The following TEK variants were observed in gnomAD, a reference collection of about 807,000 sequenced individuals.
The protein encoded by TEK is TEK receptor tyrosine kinase.
TEK carries 43 observed loss-of-function variants against 131.8 expected under a neutral mutation model. The ratio of observed to expected loss-of-function variants is 0.33; its 90% CI spans 0.26 to 0.42. The LOEUF is 0.42. Among genes scored for constraint, TEK ranks in the 10% least tolerant of loss-of-function variants. TEK has a pLI of 1.00. For synonymous variants in TEK, 580 were observed against 491.6 expected (o/e 1.18, Z -2.38); for missense variants, 1,162 against 1,384.4 (o/e 0.84, Z 2.55).
chr9:27,210,805 A>T lies in TEK; in HGVS notation c.2686+1574A>T, dbSNP rs369097616. On this transcript the variant is annotated intron_variant, in intron 16 of 22. Transcript: ENST00000380036. ...TAAAATTTTGCTTCGTCATCACATT[A>T]GCACATAGCTGGCTCTTAAAATTTT... is the stretch of plus-strand genomic sequence containing the variant. 6.8e-4 allele frequency among the ~76,000 whole-genome samples: 103 copies of T among 152,318 alleles called. 1 individual carries two copies. The South Asian group carries it at 0.011, about 16-fold the overall frequency.
rs539717926 is a variant in TEK, at chr9:27,166,166, G to A, written c.365-2329G>A. On this transcript the variant is annotated intron_variant, in intron 2 of 22. Transcript: ENST00000380036. ...TCTTTATAGGAATTCTTACTTTGGG[G>A]GACAGGATGTTTTGCTATTAATTTC... is the stretch of plus-strand genomic sequence containing the variant. 3.3e-5 allele frequency among the ~76,000 whole-genome samples: 5 copies of A among 152,286 alleles called. No individual in the cohort carries two copies. In the South Asian group the frequency reaches 1.0e-3, roughly 32 times the overall value.
intron 1 of TEK, among the ~76,000 whole-genome samples, chr9:27,146,830 C>A (rs937878208): frequency 1.7e-4 from 25 of 150,440 alleles, no homozygotes; most frequent in African/African-American, 6.1e-4. Flanking sequence ...CCCGGGTTCA[C>A]GCCATTCTCC....
intron 1 of TEK, among the ~76,000 whole-genome samples, chr9:27,133,901 G>A (rs1822319776): frequency 6.6e-6 from 1 of 152,236 alleles, no homozygotes; most frequent in Admixed American, 6.5e-5. Context: ...TGCAGGATTT[G>A]CTCAGACAAA....
intron 21 of TEK, among the ~76,000 whole-genome samples, chr9:27,226,828 A>T (rs1039817226): frequency 2.6e-5 from 4 of 152,222 alleles, no homozygotes; most frequent in African/African-American, 9.6e-5. Flanking sequence ...AACTGTAGTG[A>T]TACCAGCATT....
At chr9:27,139,811 G>C (rs1454514580) in intron 1 of TEK, among the ~76,000 whole-genome samples, 1 of 152,082 alleles carries the variant, frequency 6.6e-6, no homozygotes, top group Non-Finnish European at 1.5e-5. Context: ...TGTATGTATA[G>C]TACAGCAGGA....
At position 27,197,442 on chromosome 9, in the gene TEK, A is replaced by C; in HGVS notation, c.1752A>C (p.Gln584His). The C allele has an allele frequency of 6.2e-7, 1 of 1,614,130 alleles. No individual in the cohort carries two copies. The highest frequency in any genetic ancestry group is 8.5e-7 in the Non-Finnish European group (1 of 1,180,004). Residue 584 changes from glutamine (Q) to histidine (H), a missense_variant, in exon 12 of 23, where the codon CAA becomes CAC. Gln to His is a conservative substitution (Grantham distance 24). Transcript: ENST00000380036. Reference protein sequence around the residue: ...FYVEVERRSVQKSDQQNIKVP... With the variant: ...FYVEVERRSVHKSDQQNIKVP... ...TTGAAGTGGAGAGAAGGTCTGTGCA[A>C]AAAAGTGATCAGCAGAATATTAAAG...
intron 2 of TEK, among the ~76,000 whole-genome samples, chr9:27,164,477 G>A (rs776339619): frequency 4.4e-4 from 67 of 151,844 alleles, no homozygotes; most frequent in Non-Finnish European, 5.4e-4. Context: ...CCGCTACCAC[G>A]CCCGGCTAAT....
In TEK at chr9:27,183,663, G is replaced by A. The variant is rs1465204446; in HGVS notation, c.1182+53G>A. 3 of 1,600,626 alleles carry A rather than the reference G, an allele frequency of 1.9e-6. No homozygotes were observed. In the East Asian group the frequency reaches 6.7e-5, roughly 36 times the overall value. On this transcript the variant is annotated intron_variant, in intron 8 of 22. Coordinates refer to ENST00000380036, the MANE Select transcript of TEK (RefSeq NM_000459.5). ...TTAAAGCATGAGATGCTTCAGTGTAGTAATCACCCCACTAAATGATAGATA... is the reference window on the plus strand; with the variant it reads ...TTAAAGCATGAGATGCTTCAGTGTAATAATCACCCCACTAAATGATAGATA...
chr9:27,159,022 A>G (rs956160358), intron 2 of TEK, among the ~76,000 whole-genome samples: 1 of 152,194 alleles, frequency 6.6e-6, no homozygotes, highest in African/African-American at 2.4e-5. Flanking sequence ...ACAGTGGCAT[A>G]CAATAATGAG....
chr9:27,204,772 C>G (rs553233335), intron 13 of TEK, 139 bp from the exon 14 acceptor site: 1 of 1,056,198 alleles, frequency 9.5e-7, no homozygotes, highest in African/African-American at 1.6e-5. Flanking sequence ...ATGAGTAGCC[C>G]GAGGTCATAT....
intron 4 of TEK, among the ~76,000 whole-genome samples, chr9:27,170,010 A>C (rs1015836927): frequency 4.6e-5 from 7 of 152,220 alleles, no homozygotes; most frequent in Non-Finnish European, 1.0e-4. Flanking sequence ...CTCACAGTTC[A>C]ATATGGCTGG....
At chr9:27,197,132 G>T (rs1035099020) in intron 11 of TEK, among the ~76,000 whole-genome samples, 183 bp from the exon 12 acceptor site, 1 of 151,382 alleles carries the variant, frequency 6.6e-6, no homozygotes, top group Non-Finnish European at 1.5e-5. Context: ...GTATCAGGAG[G>T]ACAGCACCAA....
chr9:27,202,860 T>C lies in TEK; in HGVS notation c.1950T>C (p.Ile650=), dbSNP rs1242591346. 1.2e-6 allele frequency: 2 copies of C among 1,614,150 alleles called. No homozygotes were observed. The highest frequency in any genetic ancestry group is 1.7e-6 in the Non-Finnish European group (2 of 1,179,994). ...PQPENIKISN[I]THSSAVISWT... is the part of the protein sequence containing the mutation. ...CAGAAAACATCAAGATTTCCAACAT[T>C]ACACACTCCTCAGCTGTGATTTCTT... The change falls in exon 13 of 23, where the codon ATT becomes ATC. Residue 650 remains isoleucine, a synonymous_variant. Transcript: ENST00000380036.
At chr9:27,141,673 A>T (rs923616501) in intron 1 of TEK, among the ~76,000 whole-genome samples, 1 of 152,158 alleles carries the variant, frequency 6.6e-6, no homozygotes, top group Non-Finnish European at 1.5e-5. Flanking sequence ...TTTAAAAAAT[A>T]TTTTCTCATC....
intron 1 of TEK, among the ~76,000 whole-genome samples, chr9:27,132,834 CTA>C (rs1822275348): frequency 2.6e-5 from 4 of 151,982 alleles, no homozygotes; most frequent in Admixed American, 2.0e-4. Context: ...AAATCTATAT[CTA>C]TAGCAATCAA....
At chr9:27,132,602 T>C (rs1385172234) in intron 1 of TEK, among the ~76,000 whole-genome samples, 2 of 152,212 alleles carry the variant, frequency 1.3e-5, no homozygotes, top group South Asian at 4.1e-4. Flanking sequence ...GTTTCTTTCA[T>C]AGTATTCAGT....
intron 1 of TEK, among the ~76,000 whole-genome samples, chr9:27,114,919 C>T (rs1414712711): frequency 1.3e-5 from 2 of 152,174 alleles, no homozygotes; most frequent in Non-Finnish European, 2.9e-5. Flanking sequence ...TTCATTCATT[C>T]ACTCATCTAT....
chr9:27,139,706 G>T (rs534305219), intron 1 of TEK, among the ~76,000 whole-genome samples: 2 of 152,068 alleles, frequency 1.3e-5, no homozygotes, highest in African/African-American at 4.8e-5. Context: ...CTGTGTTGTG[G>T]TGTGGGATTG....
chr9:27,152,573 A>C (rs1483341775), intron 1 of TEK, among the ~76,000 whole-genome samples: 2 of 149,976 alleles, frequency 1.3e-5, no homozygotes, highest in Admixed American at 1.4e-4. Context: ...TTTCTTTCAA[A>C]TAAAATCTTA....
Sources: gnomAD v4.1 joint callset for allele counts (sites outside exome capture counted in the v4.1 genomes callset) on GRCh38, gnomAD v4.1.1 for gene constraint, MANE v1.5 for transcripts, NCBI Gene and HGNC (gene_info 2026-07-23, HGNC 2026-07-21) for gene names.